Variants in SPOCK1 observed in about 807,000 individuals in gnomAD.
The protein encoded by SPOCK1 is SPARC (osteonectin), cwcv and kazal like domains proteoglycan 1, also known as testican-1.
SPOCK1 carries 23 observed loss-of-function variants against 55.3 expected under a neutral mutation model. The ratio of observed to expected loss-of-function variants is 0.42; its 90% CI spans 0.30 to 0.59. SPOCK1 has a LOEUF of 0.59. Among genes scored for constraint, SPOCK1 ranks in the 20% least tolerant of loss-of-function variants. The pLI is 0.22. For synonymous variants in SPOCK1, 226 were observed against 221.0 expected, an observed-to-expected ratio of 1.02 and a Z score of -0.20; for missense variants, 499 against 552.5, an observed-to-expected ratio of 0.90 and a Z score of 0.97.
chr5:137,101,487 C>T (rs1274056724), intron 5 of SPOCK1, among the ~76,000 whole-genome samples: 1 of 152,210 alleles, frequency 6.6e-6, no homozygotes, highest in African/African-American at 2.4e-5. Flanking sequence ...TGGCATTCTA[C>T]TCAGGGCATT....
chr5:137,486,101 G>A (rs1754049928), intron 2 of SPOCK1, among the ~76,000 whole-genome samples: 1 of 152,170 alleles, frequency 6.6e-6, no homozygotes, highest in Admixed American at 6.5e-5. Context: ...GCCCTGACAA[G>A]GCTAAACTCA....
chr5:137,477,614 T>G (rs1188107845), intron 2 of SPOCK1, among the ~76,000 whole-genome samples: 5 of 152,202 alleles, frequency 3.3e-5, no homozygotes, highest in Admixed American at 2.0e-4. Context: ...CCTGTCAACC[T>G]ACTGACAACC....
At chr5:137,373,974 A>C (rs1477890488) in intron 2 of SPOCK1, among the ~76,000 whole-genome samples, 1 of 151,930 alleles carries the variant, frequency 6.6e-6, no homozygotes, top group African/African-American at 2.4e-5. Context: ...AAGAAAAGAA[A>C]ATCTCTGCCT....
intron 3 of SPOCK1, among the ~76,000 whole-genome samples, chr5:137,174,010 G>C (rs1754805585): frequency 6.6e-6 from 1 of 152,230 alleles, no homozygotes; most frequent in Non-Finnish European, 1.5e-5. Flanking sequence ...ATGAAAGGCA[G>C]AGCTGAGATC....
chr5:137,424,270 A>G (rs1229644095), intron 2 of SPOCK1, among the ~76,000 whole-genome samples: 1 of 152,146 alleles, frequency 6.6e-6, no homozygotes, highest in Non-Finnish European at 1.5e-5. Context: ...GGTCCTAGCT[A>G]CTCAGGAGGC....
At chr5:137,125,114 A>G (rs1429721692) in intron 4 of SPOCK1, among the ~76,000 whole-genome samples, 1 of 152,232 alleles carries the variant, frequency 6.6e-6, no homozygotes, top group Non-Finnish European at 1.5e-5. Flanking sequence ...ATCACTTTGC[A>G]ACTCGGCTGA....
intron 2 of SPOCK1, among the ~76,000 whole-genome samples, chr5:137,484,903 T>C (rs1259166336): frequency 2.0e-5 from 3 of 152,176 alleles, no homozygotes; most frequent in Admixed American, 1.3e-4. Context: ...AATGTTTATG[T>C]TGTGTTGTTA....
At chr5:136,986,017 C>A (rs1442098811) in intron 8 of SPOCK1, among the ~76,000 whole-genome samples, 1 of 152,154 alleles carries the variant, frequency 6.6e-6, no homozygotes, top group Admixed American at 6.5e-5. Context: ...AGGCCCCACA[C>A]TTGCATATAA....
chr5:137,133,406 C>A (rs1325336813), intron 4 of SPOCK1, among the ~76,000 whole-genome samples: 2 of 151,864 alleles, frequency 1.3e-5, no homozygotes, highest in Admixed American at 1.3e-4. Flanking sequence ...TAAAGGGGGA[C>A]CCCCAGCCTA....
chr5:137,349,237 G>C (rs1362451946), intron 2 of SPOCK1, among the ~76,000 whole-genome samples: 1 of 152,220 alleles, frequency 6.6e-6, no homozygotes, highest in African/African-American at 2.4e-5. Flanking sequence ...GGATATAAAA[G>C]ATGTTTGGGG....
chr5:137,042,264 C>G (rs992101207), intron 6 of SPOCK1, among the ~76,000 whole-genome samples: 6 of 152,084 alleles, frequency 3.9e-5, no homozygotes, highest in African/African-American at 1.4e-4. Context: ...AACTGTAGAG[C>G]AGGTAAACAG....
At chr5:137,409,427 G>T (rs1189265081) in intron 2 of SPOCK1, among the ~76,000 whole-genome samples, 2 of 152,200 alleles carry the variant, frequency 1.3e-5, no homozygotes, top group African/African-American at 4.8e-5. Flanking sequence ...AAGGAAATCT[G>T]GAGGAGGAAG....
chr5:137,198,918 G>A (rs75666363), intron 3 of SPOCK1, among the ~76,000 whole-genome samples: 3,768 of 152,256 alleles, frequency 0.025, 116 homozygotes, highest in Admixed American at 0.097. Context: ...GGAATGCTAC[G>A]TTAAAGCATT....
intron 2 of SPOCK1, among the ~76,000 whole-genome samples, chr5:137,493,505 CTT>C (rs998319210): frequency 6.6e-6 from 1 of 152,184 alleles, no homozygotes; most frequent in African/African-American, 2.4e-5. Flanking sequence ...TCTGAGAAGA[CTT>C]AGCTTTTCTC....
intron 2 of SPOCK1, among the ~76,000 whole-genome samples, chr5:137,474,517 C>T (rs1355733924): frequency 1.3e-5 from 2 of 152,160 alleles, no homozygotes; most frequent in Non-Finnish European, 2.9e-5. Flanking sequence ...GTGCTGATAG[C>T]GACCTGCACA....
At chr5:137,275,423 C>T (rs184583034) in intron 2 of SPOCK1, among the ~76,000 whole-genome samples, 421 of 152,330 alleles carry the variant, frequency 2.8e-3, no homozygotes, top group Non-Finnish European at 4.8e-3. Flanking sequence ...TTGGCAGAAG[C>T]AGTGGTTTCC....
chr5:137,276,635 C>A (rs190989906), intron 2 of SPOCK1, among the ~76,000 whole-genome samples: 26 of 152,336 alleles, frequency 1.7e-4, no homozygotes, highest in Middle Eastern at 6.8e-3. Flanking sequence ...GACTGCAGCT[C>A]CACAACTTCT....
chr5:137,222,309 C>T (rs1457945711), intron 3 of SPOCK1, among the ~76,000 whole-genome samples: 1 of 152,156 alleles, frequency 6.6e-6, no homozygotes, highest in Non-Finnish European at 1.5e-5. Context: ...GCAAAATACT[C>T]TCAGGGGCTC....
chr5:137,075,933 A>G (rs1752749527), intron 5 of SPOCK1, among the ~76,000 whole-genome samples: 1 of 152,172 alleles, frequency 6.6e-6, no homozygotes, highest in African/African-American at 2.4e-5. Flanking sequence ...CTATTTTGAC[A>G]TTTTAAATTT....
Sources: gnomAD v4.1 joint callset for allele counts (sites outside exome capture counted in the v4.1 genomes callset) on GRCh38, gnomAD v4.1.1 for gene constraint, MANE v1.5 for transcripts, NCBI Gene and HGNC (gene_info 2026-07-23, HGNC 2026-07-21) for gene names.